The following ITGA4 variants were observed in gnomAD, a reference collection of about 807,000 sequenced individuals.
ITGA4 encodes integrin subunit alpha 4.
Under a neutral mutation model 133.6 loss-of-function variants are expected in ITGA4, and 63 were observed. That is an observed-to-expected ratio of 0.47 (90% CI 0.38 to 0.58). The LOEUF (loss-of-function observed/expected upper bound fraction) is 0.58, where lower values mean the gene tolerates loss of function less well. Ranked by LOEUF, ITGA4 falls within the 20% of genes least tolerant of loss-of-function variation. The pLI, the probability that ITGA4 is intolerant of heterozygous loss-of-function variation, is 0.00. For synonymous variants in ITGA4, 483 were observed against 438.0 expected (o/e 1.10, Z -1.28); for missense variants, 1,076 against 1,252.7 (o/e 0.86, Z 2.13).
rs1687343752 is a variant in ITGA4, at chr2:181,538,846, A to T, written c.*3319A>T. On this transcript the variant is annotated 3_prime_UTR_variant, in exon 28 of 28. Coordinates refer to ENST00000397033, the MANE Select transcript of ITGA4 (RefSeq NM_000885.6). ...ATCTGTAGTTTATGCACAACAATAA[A>T]TTAGAAAGCCAATGTAGACACGCAT... Among the ~76,000 whole-genome samples, 1 of 152,174 alleles carries T rather than the reference A, an allele frequency of 6.6e-6. No homozygotes were observed. The highest frequency in any genetic ancestry group is 2.1e-4 in the South Asian group (1 of 4,828).
At chr2:181,488,769 A>G (rs1685978968) in intron 10 of ITGA4, among the ~76,000 whole-genome samples, 1 of 152,114 alleles carries the variant, frequency 6.6e-6, no homozygotes, top group Non-Finnish European at 1.5e-5. Context: ...TGTGTTAACC[A>G]GGATGGTCTC....
At chr2:181,458,108 C>T in intron 1 of ITGA4, 88 bp from the exon 2 acceptor site, 1 of 1,570,358 alleles carries the variant, frequency 6.4e-7, no homozygotes, top group South Asian at 1.1e-5. Context: ...GGAAGCTGCC[C>T]TGCTGCGGAC....
rs1686099000 is a variant in ITGA4 at position 181,493,483 on chromosome 2, G to A, written c.1248+64G>A. ...TAATGCATATCCTTAAAACTTCCAGGGTTTATGTGGACTTATTTTTCTTAA... is the reference window on the plus strand; with the variant it reads ...TAATGCATATCCTTAAAACTTCCAGAGTTTATGTGGACTTATTTTTCTTAA... On this transcript the variant is annotated intron_variant, in intron 11 of 27. Coordinates refer to ENST00000397033, the MANE Select transcript of ITGA4 (RefSeq NM_000885.6). The A allele has an allele frequency of 4.4e-6, 4 of 906,394 alleles. No homozygotes were observed. In the South Asian group the frequency reaches 6.6e-5, roughly 15 times the overall value. 56.1% of individuals were successfully genotyped at this position (906,394 alleles called of 1,614,324 possible).
chr2:181,466,449 C>G (rs888184166), intron 2 of ITGA4, among the ~76,000 whole-genome samples: 2 of 151,994 alleles, frequency 1.3e-5, no homozygotes, highest in African/African-American at 4.8e-5. Flanking sequence ...AAAAAACATA[C>G]TTTGAGAATG....
At chr2:181,514,380 C>T (rs1686564909) in intron 17 of ITGA4, among the ~76,000 whole-genome samples, 3 of 152,032 alleles carry the variant, frequency 2.0e-5, no homozygotes, top group African/African-American at 7.2e-5. Context: ...TTCACTTAGG[C>T]AATGTCAGTT....
intron 2 of ITGA4, 40 bp from the exon 3 acceptor site, chr2:181,474,920 T>C (rs1574382012): frequency 1.3e-6 from 2 of 1,496,470 alleles, no homozygotes. Flanking sequence ...TTGTAGAATG[T>C]TTTCAATACA....
chr2:181,457,975 G>T (rs767034863), intron 1 of ITGA4, 124 bp downstream of exon 1: 1 of 1,146,742 alleles, frequency 8.7e-7, no homozygotes, highest in African/African-American at 1.6e-5. Flanking sequence ...AACGCTGCGA[G>T]AGCCAGCTCG....
intron 2 of ITGA4, among the ~76,000 whole-genome samples, chr2:181,471,617 T>C (rs187664634): frequency 1.6e-4 from 24 of 152,318 alleles, no homozygotes; most frequent in African/African-American, 5.8e-4. Flanking sequence ...TATCTATATA[T>C]TAGAAGGCAA....
intron 5 of ITGA4, chr2:181,479,623 CTG>C: frequency 6.6e-6 from 1 of 152,202 alleles, no homozygotes; most frequent in East Asian, 1.9e-4. Flanking sequence ...AAATTTTCCT[CTG>C]TATAACAAAA....
In ITGA4 at chr2:181,526,821, C is replaced by CTTTTTTTTTTTTTTTTTTT. The variant is rs538208494; in HGVS notation, c.2340-462_2340-444dup. Among the ~76,000 whole-genome samples, 143 of 40,988 alleles carry CTTTTTTTTTTTTTTTTTTT rather than the reference C, an allele frequency of 3.5e-3. 37 individuals are homozygous for CTTTTTTTTTTTTTTTTTTT. The highest frequency in any genetic ancestry group is 4.6e-3 in the East Asian group (5 of 1,086). 26.9% of individuals were successfully genotyped at this position (40,988 alleles called of 152,430 possible). A position where few individuals can be genotyped will look rare whatever the true frequency, so the allele number is the denominator to read the frequency against. ...TGTCACCCAGGTCAGAGCACATGGC[C>CTTTTTTTTTTTTTTTTTTT]TTTTTTTTTTTTTTTTTTTTTTTTT... On this transcript the variant is annotated intron_variant, in intron 21 of 27. Coordinates refer to ENST00000397033, the MANE Select transcript of ITGA4 (RefSeq NM_000885.6).
At chr2:181,496,077 T>G in intron 14 of ITGA4, 140 bp downstream of exon 14, 1 of 774,194 alleles carries the variant, frequency 1.3e-6, no homozygotes, top group South Asian at 1.8e-5. Flanking sequence ...ATGCATGCTT[T>G]TCCTCTCCAT....
chr2:181,531,834 T>C, intron 25 of ITGA4, 58 bp downstream of exon 25: 1 of 1,318,920 alleles, frequency 7.6e-7, no homozygotes, highest in Non-Finnish European at 1.0e-6. Context: ...AATCTATAAA[T>C]TCAGTCATAT....
At position 181,495,567 on chromosome 2, in the gene ITGA4, C is replaced by A; in HGVS notation, c.1385+151C>A. 3 of 727,192 alleles carry A rather than the reference C, an allele frequency of 4.1e-6. No homozygotes were observed. Among genetic ancestry groups the A allele is most frequent in the Non-Finnish European group, 4.6e-6 (2 of 433,282 alleles). 45.0% of individuals were successfully genotyped at this position (727,192 alleles called of 1,614,324 possible). On this transcript the variant is annotated intron_variant, in intron 13 of 27. Coordinates refer to ENST00000397033, the MANE Select transcript of ITGA4 (RefSeq NM_000885.6). This position sits in a 1 kb window ranked among gnomAD's most constrained non-coding sequence, Gnocchi z 4.3. ...ATTGATTTTTAGGGTATTTTTTTCA[C>A]CTTACAGAGATATAATTAAATCATC... is the stretch of plus-strand genomic sequence containing the variant.
intron 24 of ITGA4, 118 bp from the exon 25 acceptor site, chr2:181,531,539 T>G (rs770130810): frequency 6.9e-6 from 3 of 432,984 alleles, no homozygotes; most frequent in Non-Finnish European, 1.2e-5. Context: ...ATTTCATATT[T>G]ATGGAAAGAT....
At chr2:181,460,808 G>GT (rs1685258410) in intron 2 of ITGA4, among the ~76,000 whole-genome samples, 1 of 152,014 alleles carries the variant, frequency 6.6e-6, no homozygotes, top group Non-Finnish European at 1.5e-5. Context: ...TGAACCAAAA[G>GT]TTTAAAAATT....
At chr2:181,512,811 A>T (rs1404489490) in intron 17 of ITGA4, among the ~76,000 whole-genome samples, 2 of 152,076 alleles carry the variant, frequency 1.3e-5, no homozygotes, top group African/African-American at 4.8e-5. Flanking sequence ...TGACAGGATT[A>T]GTGATTAAAG....
At chr2:181,473,281 C>T (rs913338634) in intron 2 of ITGA4, among the ~76,000 whole-genome samples, 2 of 152,168 alleles carry the variant, frequency 1.3e-5, no homozygotes, top group Admixed American at 6.5e-5. Flanking sequence ...ATTAGATTCT[C>T]GTAGGAGTGC....
chr2:181,524,241 A>G lies in ITGA4; in HGVS notation c.2240A>G (p.His747Arg). Residue 747 changes from histidine (H) to arginine (R), a missense_variant, in exon 20 of 28, where the codon CAT (histidine) becomes CGT (arginine). Around this residue, in one of 4 missense-constraint regions of ITGA4, gnomAD observed 365 missense variants for 421.4 expected, o/e 0.87. Coordinates refer to ENST00000397033, the MANE Select transcript of ITGA4 (RefSeq NM_000885.6). Reference protein sequence around the residue: ...RAEEDLSITVHATCENEEEMD... With the variant: ...RAEEDLSITVRATCENEEEMD... ...GAAGAGGACCTCAGTATCACAGTGCATGCTACCTGGTATAATTTATTGTTA... is the reference window on the plus strand; with the variant it reads ...GAAGAGGACCTCAGTATCACAGTGCGTGCTACCTGGTATAATTTATTGTTA... 6.4e-7 allele frequency: 1 copy of G among 1,564,068 alleles called. No individual in the cohort carries two copies.
intron 2 of ITGA4, chr2:181,458,638 A>G: frequency 3.2e-6 from 1 of 308,488 alleles, no homozygotes; most frequent in Non-Finnish European, 6.3e-6. Flanking sequence ...CAGCGTATTA[A>G]GGACAGGATC....
Sources: allele counts gnomAD v4.1 joint callset (sites outside exome capture counted in the v4.1 genomes callset), GRCh38; gene constraint gnomAD v4.1.1; regional missense constraint gnomAD v4.1.1; non-coding constraint Gnocchi (gnomAD v3.1); transcripts MANE v1.5; gene names NCBI Gene and HGNC (gene_info 2026-07-23, HGNC 2026-07-21).